TRIL: variants seen among roughly 807,000 people sequenced by gnomAD.
TRIL encodes the protein TLR4 interactor with leucine rich repeats.
In TRIL, 23 loss-of-function variants were observed where a neutral mutation model predicts 43.0. The observed-to-expected ratio is 0.54, with a 90% CI of 0.39 to 0.76. TRIL has a LOEUF of 0.76. Among genes scored for constraint, TRIL ranks in the 30% least tolerant of loss-of-function variants. The pLI is 0.00. For synonymous variants in TRIL, 602 were observed against 556.8 expected, an observed-to-expected ratio of 1.08 and a Z score of -1.14; for missense variants, 1,114 against 1,139.3, an observed-to-expected ratio of 0.98 and a Z score of 0.32.
rs1301339083 is a variant in TRIL at position 28,955,748 on chromosome 7, G to A, written c.2299C>T (p.Pro767Ser). ...CTGAGCGCGCACACGGTGGTGCGTG[G>A]CCGGTGCGACTGGAATCCCGAGAAG... Reference protein sequence around the residue: ...ADFSGFQSHRPRTTVCALSEA... With the variant: ...ADFSGFQSHRSRTTVCALSEA... The change falls in exon 1 of 1, where the codon CCA (proline) becomes TCA (serine). Residue 767 changes from proline (P) to serine (S), a missense_variant. Coordinates refer to ENST00000539664, the MANE Select transcript of TRIL (RefSeq NM_014817.4). 9 of 1,550,398 alleles carry A rather than the reference G, an allele frequency of 5.8e-6. No homozygotes were observed. Among genetic ancestry groups the A allele is most frequent in the Non-Finnish European group, 7.8e-6 (9 of 1,146,894 alleles).
rs756891574 is a variant in TRIL, at chr7:28,956,711, G to A, written c.1336C>T (p.Leu446Phe). The A allele has an allele frequency of 6.3e-6, 10 of 1,596,028 alleles. No individual in the cohort carries two copies. The African/African-American group carries it at 1.1e-4, about 17-fold the overall frequency. ...AGEEMTPPAG[L>F]AEELPPQPQL... ...GGCTGCGGCGGCAGCTCCTCCGCGA[G>A]ACCTGCAGGTGGCGTCATCTCCTCC... Residue 446 changes from leucine (L) to phenylalanine (F), a missense_variant, in exon 1 of 1, where the codon CTC becomes TTC. Transcript: ENST00000539664.
In TRIL at chr7:28,956,647, G is replaced by T; in HGVS notation, c.1400C>A (p.Ala467Asp). Residue 467 changes from alanine (A) to aspartate (D), a missense_variant, in exon 1 of 1, where the codon GCC becomes GAC. Ala to Asp is a moderately radical substitution (Grantham distance 126). Transcript: ENST00000539664. ...QQQGRFLAGV[A>D]WDGAARELVG... Reference sequence around the variant, plus strand: ...CAGCTCCCTGGCGGCCCCATCCCAGGCCACCCCAGCTAGAAATCGCCCCTG... The same window carrying T: ...CAGCTCCCTGGCGGCCCCATCCCAGTCCACCCCAGCTAGAAATCGCCCCTG... The T allele has an allele frequency of 6.4e-7, 1 of 1,571,678 alleles. No individual in the cohort carries two copies. The highest frequency in any genetic ancestry group is 8.6e-7 in the Non-Finnish European group (1 of 1,162,538).
Position 28,956,953 on chromosome 7 carries a change from C to T in TRIL, c.1094G>A (p.Cys365Tyr). 6.3e-7 allele frequency: 1 copy of T among 1,592,598 alleles called. No homozygotes were observed. Among genetic ancestry groups the T allele is most frequent in the Non-Finnish European group, 8.5e-7 (1 of 1,171,228 alleles). ...CCAGCGCTTCAGGCCTCGCAGCCGG[C>T]AGTCGCAGGTCCAGCCGTTGCCGTC... The part of the protein sequence containing the change: ...DLDGNGWTCD[C>Y]RLRGLKRWMG... Residue 365 changes from cysteine to tyrosine, a missense_variant, in exon 1 of 1, where the codon TGC becomes TAC. Cys to Tyr is a radical substitution (Grantham distance 194). Coordinates refer to ENST00000539664, the MANE Select transcript of TRIL (RefSeq NM_014817.4).
Position 28,957,264 on chromosome 7 carries a change from CCT to C in TRIL, c.781_782del (p.Arg261GlyfsTer10). The C allele has an allele frequency of 6.2e-7, 1 of 1,609,582 alleles. No individual in the cohort carries two copies. The highest frequency in any genetic ancestry group is 8.5e-7 in the Non-Finnish European group (1 of 1,179,722). ...HLPRLGLLSL[R>X]GNQLTHLAPE... ...GCGCGAGGTGCGTGAGCTGGTTGCC[CCT>C]GAGCGAGAGCAGGCCGAGACGTGGC... On this transcript the variant is annotated frameshift_variant, in exon 1 of 1. Coordinates refer to ENST00000539664, the MANE Select transcript of TRIL (RefSeq NM_014817.4). LOFTEE classifies it high-confidence loss of function.
Position 28,956,847 on chromosome 7 carries a change from G to T in TRIL, c.1200C>A (p.Tyr400Ter). 1 of 1,608,296 alleles carries T rather than the reference G, an allele frequency of 6.2e-7. No individual in the cohort carries two copies. Residue 400 changes from tyrosine (Y) to a stop codon, truncating the protein, a stop_gained, in exon 1 of 1, where the codon TAC becomes TAA. Coordinates refer to ENST00000539664, the MANE Select transcript of TRIL (RefSeq NM_014817.4). LOFTEE classifies it high-confidence loss of function. ...GCTGCTGGTCATCCAGGTAATCCAG[G>T]TATTTGCCTCGCAGGGCCGGGGGGT... ...CRHPPALRGK[Y>*]LDYLDDQQLQ... is the part of the protein sequence containing the mutation.
chr7:28,955,503 G>C lies in TRIL; in HGVS notation c.*108C>G. 7.1e-7 allele frequency: 1 copy of C among 1,407,114 alleles called. No homozygotes were observed. The highest frequency in any genetic ancestry group is 9.3e-7 in the Non-Finnish European group (1 of 1,074,508). The allele number at this position is 1,407,114 out of a possible 1,614,324, so 87.2% of individuals were successfully genotyped here. ...CCGAATTGGCCCTCTGTCCCCACCG[G>C]CCTCTCTGGCAAGTGCACAAAACGG... On this transcript the variant is annotated 3_prime_UTR_variant, in exon 1 of 1. Coordinates refer to ENST00000539664, the MANE Select transcript of TRIL (RefSeq NM_014817.4).
Position 28,956,786 on chromosome 7 carries a change from C to G in TRIL, c.1261G>C (p.Ala421Pro), listed in dbSNP as rs1783411815. The part of the protein sequence containing the change: ...NGSCADPSPS[A>P]SLTADRRRQP... ...CGCCTGCGGTCAGCGGTCAGGGAAG[C>G]TGAGGGCGAGGGATCCGCGCAGGAT... is the stretch of plus-strand genomic sequence containing the variant. Residue 421 changes from alanine (A) to proline (P), a missense_variant, in exon 1 of 1, where the codon GCT (alanine) becomes CCT (proline). Transcript: ENST00000539664. 1.2e-6 allele frequency: 2 copies of G among 1,610,868 alleles called. No homozygotes were observed.
chr7:28,955,917 C>T lies in TRIL; in HGVS notation c.2130G>A (p.Val710=). 6.4e-7 allele frequency: 1 copy of T among 1,552,750 alleles called. No homozygotes were observed. The highest frequency in any genetic ancestry group is 8.7e-7 in the Non-Finnish European group (1 of 1,150,076). ...LALLTVNALL[V]LLALAAWASR... is the part of the protein sequence containing the mutation. ...ACGCCCAGGCCGCCAAGGCCAGGAG[C>T]ACCAGCAGCGCGTTGACCGTCAGCA... Residue 710 remains valine, a synonymous_variant, in exon 1 of 1, where the codon GTG becomes GTA. Coordinates refer to ENST00000539664, the MANE Select transcript of TRIL (RefSeq NM_014817.4).
chr7:28,955,805 G>C lies in TRIL; in HGVS notation c.2242C>G (p.Leu748Val). The C allele has an allele frequency of 6.5e-7, 1 of 1,550,010 alleles. No individual in the cohort carries two copies. The highest frequency in any genetic ancestry group is 2.4e-5 in the East Asian group (1 of 40,898). The change falls in exon 1 of 1, where the codon CTG (leucine) becomes GTG (valine). Residue 748 changes from leucine to valine, a missense_variant. Transcript: ENST00000539664. ...VRHMYSTRRP[L>V]RSMGTGVSAD... ...GACACGCCGGTGCCCATGGAGCGCAGGGGCCGTCGGGTGGAGTACATGTGC... is the reference window on the plus strand; with the variant it reads ...GACACGCCGGTGCCCATGGAGCGCACGGGCCGTCGGGTGGAGTACATGTGC...
In TRIL at chr7:28,957,140, G is replaced by A. The variant is rs768521955; in HGVS notation, c.907C>T (p.Leu303=). The A allele has an allele frequency of 4.4e-6, 7 of 1,584,814 alleles. No individual in the cohort carries two copies. Among genetic ancestry groups the A allele is most frequent in the Non-Finnish European group, 6.0e-6 (7 of 1,168,598 alleles). ...PTALLEPLHS[L]EALDLSGNEL... is the part of the protein sequence containing the mutation. ...TTGCCGCTCAGGTCCAGCGCCTCCAGGCTGTGCAGAGGCTCCAGCAGCGCA... is the reference window on the plus strand; with the variant it reads ...TTGCCGCTCAGGTCCAGCGCCTCCAAGCTGTGCAGAGGCTCCAGCAGCGCA... Residue 303 remains leucine, a synonymous_variant, in exon 1 of 1, where the codon CTG becomes TTG. Coordinates refer to ENST00000539664, the MANE Select transcript of TRIL (RefSeq NM_014817.4).
In TRIL at chr7:28,957,154, T is replaced by C; in HGVS notation, c.893A>G (p.Glu298Gly). 6.3e-7 allele frequency: 1 copy of C among 1,589,058 alleles called. No homozygotes were observed. The highest frequency in any genetic ancestry group is 8.5e-7 in the Non-Finnish European group (1 of 1,170,944). ...RLSQLPTALL[E>G]PLHSLEALDL... ...CAGCGCCTCCAGGCTGTGCAGAGGC[T>C]CCAGCAGCGCAGTTGGCAGCTGGCT... The change falls in exon 1 of 1, where the codon GAG (glutamate) becomes GGG (glycine). Residue 298 changes from glutamate (E) to glycine (G), a missense_variant. By Grantham distance (98) the Glu-to-Gly change is moderately conservative. Transcript: ENST00000539664.
chr7:28,957,084 G>T lies in TRIL; in HGVS notation c.963C>A (p.Phe321Leu). Residue 321 changes from phenylalanine to leucine, a missense_variant, in exon 1 of 1, where the codon TTC becomes TTA. Transcript: ENST00000539664. ...NELSALHPAT[F>L]GHLGRLRELS... The stretch of plus-strand genomic sequence containing the variant: ...GCTCGCGCAGCCGGCCCAGGTGGCC[G>T]AAGGTGGCCGGGTGCAGGGCGGACA... 6.4e-7 allele frequency: 1 copy of T among 1,572,858 alleles called. No individual in the cohort carries two copies.
Position 28,956,692 on chromosome 7 carries a change from G to T in TRIL, c.1355C>A (p.Pro452Gln). Residue 452 changes from proline (P) to glutamine (Q), a missense_variant, in exon 1 of 1, where the codon CCG becomes CAG. Transcript: ENST00000539664. ...PPAGLAEELPPQPQLQQQGRF... is the reference protein window; with the variant it reads ...PPAGLAEELPQQPQLQQQGRF... Reference sequence around the variant, plus strand: ...CCCCTGCTGCTGGAGCTGCGGCTGCGGCGGCAGCTCCTCCGCGAGACCTGC... The same window carrying T: ...CCCCTGCTGCTGGAGCTGCGGCTGCTGCGGCAGCTCCTCCGCGAGACCTGC... 3 of 1,587,196 alleles carry T rather than the reference G, an allele frequency of 1.9e-6. No homozygotes were observed. Among genetic ancestry groups the T allele is most frequent in the Non-Finnish European group, 2.6e-6 (3 of 1,170,296 alleles).
chr7:28,957,790 C>T lies in TRIL; in HGVS notation c.257G>A (p.Arg86Lys). The change falls in exon 1 of 1, where the codon AGA becomes AAA. Residue 86 changes from arginine to lysine, a missense_variant. Transcript: ENST00000539664. ...AFDFHRLGQL[R>K]RLDLQYNQIR... is the part of the protein sequence containing the mutation. ...CTGGTTGTACTGCAGGTCCAGCCGT[C>T]TGAGCTGCCCCAGACGGTGGAAGTC... 1.2e-6 allele frequency: 2 copies of T among 1,613,990 alleles called. No homozygotes were observed. The highest frequency in any genetic ancestry group is 1.7e-6 in the Non-Finnish European group (2 of 1,179,860).
Position 28,956,769 on chromosome 7 carries a change from G to A in TRIL, c.1278C>T (p.Asp426=). Residue 426 remains aspartate, a synonymous_variant, in exon 1 of 1, where the codon GAC becomes GAT. Transcript: ENST00000539664. ...DPSPSASLTA[D]RRRQPLPTAA... is the part of the protein sequence containing the mutation. Reference sequence around the variant, plus strand: ...CCGTGGGTAGGGGCTGCCGCCTGCGGTCAGCGGTCAGGGAAGCTGAGGGCG... The same window carrying A: ...CCGTGGGTAGGGGCTGCCGCCTGCGATCAGCGGTCAGGGAAGCTGAGGGCG... 1.4e-5 allele frequency: 23 copies of A among 1,609,044 alleles called. No individual in the cohort carries two copies. Among genetic ancestry groups the A allele is most frequent in the Non-Finnish European group, 2.0e-5 (23 of 1,179,350 alleles).
At position 28,956,358 on chromosome 7, in the gene TRIL, G is replaced by A. The variant is rs1292066020; in HGVS notation, c.1689C>T (p.Ala563=). The change falls in exon 1 of 1, where the codon GCC becomes GCT. Residue 563 remains alanine, a synonymous_variant. Transcript: ENST00000539664. Reference sequence around the variant, plus strand: ...GCCCGGCCCCACCGTCGGACTGGGCGGCACGCTCCTGGTGCTCCGTGCCCA... The same window carrying A: ...GCCCGGCCCCACCGTCGGACTGGGCAGCACGCTCCTGGTGCTCCGTGCCCA... The part of the protein sequence containing the change: ...HRLGTEHQER[A]AQSDGGAGLP... 1 of 1,531,906 alleles carries A rather than the reference G, an allele frequency of 6.5e-7. No individual in the cohort carries two copies. The highest frequency in any genetic ancestry group is 8.7e-7 in the Non-Finnish European group (1 of 1,145,198). 94.9% of individuals were successfully genotyped at this position (1,531,906 alleles called of 1,614,324 possible).
Position 28,956,338 on chromosome 7 carries a change from G to A in TRIL, c.1709C>T (p.Ala570Val), listed in dbSNP as rs777914806. The change falls in exon 1 of 1, where the codon GCC (alanine) becomes GTC (valine). Residue 570 changes from alanine (A) to valine (V), a missense_variant. Ala to Val is a moderately conservative substitution (Grantham distance 64). Transcript: ENST00000539664. ...QERAAQSDGG[A>V]GLPPLVSDPC... ...GTCGGACACCAGCGGCGGCAGCCCGGCCCCACCGTCGGACTGGGCGGCACG... is the reference window on the plus strand; with the variant it reads ...GTCGGACACCAGCGGCGGCAGCCCGACCCCACCGTCGGACTGGGCGGCACG... The A allele has an allele frequency of 1.5e-5, 23 of 1,531,444 alleles. 1 individual carries two copies. The South Asian group carries it at 2.5e-4, about 17-fold the overall frequency. The allele number at this position is 1,531,444 out of a possible 1,614,324, so 94.9% of individuals were successfully genotyped here. A position where few individuals can be genotyped will look rare whatever the true frequency, so the allele number is the denominator to read the frequency against.
At position 28,956,679 on chromosome 7, in the gene TRIL, G is replaced by A. The variant is rs997597673; in HGVS notation, c.1368C>T (p.Leu456=). 3.2e-6 allele frequency: 5 copies of A among 1,583,796 alleles called. No homozygotes were observed. The African/African-American group carries it at 6.8e-5, about 21-fold the overall frequency. The change falls in exon 1 of 1, where the codon CTC becomes CTT. Residue 456 remains leucine (L), a synonymous_variant. Transcript: ENST00000539664. ...CAGCTAGAAATCGCCCCTGCTGCTGGAGCTGCGGCTGCGGCGGCAGCTCCT... is the reference window on the plus strand; with the variant it reads ...CAGCTAGAAATCGCCCCTGCTGCTGAAGCTGCGGCTGCGGCGGCAGCTCCT... ...LAEELPPQPQ[L]QQQGRFLAGV...
In TRIL at chr7:28,955,356, T is replaced by G; in HGVS notation, c.*255A>C. On this transcript the variant is annotated 3_prime_UTR_variant, in exon 1 of 1. Coordinates refer to ENST00000539664, the MANE Select transcript of TRIL (RefSeq NM_014817.4). The stretch of plus-strand genomic sequence containing the variant: ...TACAAAAGCCATTCGCATAGCTGTG[T>G]CAAAGCCTCCAAGCGAAGCCTCCGA... The G allele has an allele frequency of 9.4e-6, 5 of 529,184 alleles. No homozygotes were observed. In the South Asian group the frequency reaches 1.4e-4, roughly 15 times the overall value. 32.8% of individuals were successfully genotyped at this position (529,184 alleles called of 1,614,324 possible).
Sources: allele counts gnomAD v4.1 joint callset, GRCh38; gene constraint gnomAD v4.1.1; transcripts MANE v1.5; gene names NCBI Gene and HGNC (gene_info 2026-07-23, HGNC 2026-07-21).